Variants in DENND3 observed in about 807,000 individuals in gnomAD.
The protein encoded by DENND3 is DENN domain-containing protein 3.
In DENND3, 88 loss-of-function variants were observed where a neutral mutation model predicts 135.1. The observed-to-expected ratio is 0.65, with a 90% CI of 0.55 to 0.78. The LOEUF is 0.78. Ranked by LOEUF, DENND3 falls within the 30% of genes least tolerant of loss-of-function variation. DENND3 has a pLI of 0.00. For missense variants in DENND3, 1,392 were observed against 1,688.4 expected, an observed-to-expected ratio of 0.82 and a Z score of 3.08; for synonymous variants, 693 against 712.3, an observed-to-expected ratio of 0.97 and a Z score of 0.43.
rs1285391388 is a variant in DENND3 at position 141,181,120 on chromosome 8, G to A, written c.2944+266G>A. Among the ~76,000 whole-genome samples the A allele has an allele frequency of 4.6e-5, 7 of 152,218 alleles. No homozygotes were observed. The East Asian group carries it at 1.3e-3, about 29-fold the overall frequency. ...GCCAGCACTTGAGCTCCCGCCCCAG[G>A]GCTGCCGTCCCTCACCTTCTAGAGC... On this transcript the variant is annotated intron_variant, in intron 17 of 22. Transcript: ENST00000519811.
intron 8 of DENND3, among the ~76,000 whole-genome samples, chr8:141,159,067 C>A (rs1819804450): frequency 6.6e-6 from 1 of 152,202 alleles, no homozygotes; most frequent in South Asian, 2.1e-4. Context: ...TTCTTGAGAC[C>A]CATCTAGGCA....
intron 4 of DENND3, among the ~76,000 whole-genome samples, chr8:141,143,688 G>A (rs774495715): frequency 9.9e-5 from 15 of 152,156 alleles, no homozygotes; most frequent in Non-Finnish European, 1.9e-4. Context: ...ATACCAGTGT[G>A]AGCCACCGCA....
chr8:141,189,231 G>A, intron 19 of DENND3, 85 bp downstream of exon 19: 1 of 1,570,406 alleles, frequency 6.4e-7, no homozygotes, highest in Non-Finnish European at 8.7e-7. Context: ...CAAGTCTTGT[G>A]CCCACAGGGG....
rs1450023571 is a variant in DENND3 at position 141,167,844 on chromosome 8, CA to C, written c.1754-159del. 6.6e-6 allele frequency among the ~76,000 whole-genome samples: 1 copy of C among 152,154 alleles called. No individual in the cohort carries two copies. Among genetic ancestry groups the C allele is most frequent in the African/African-American group, 2.4e-5 (1 of 41,452 alleles). On this transcript the variant is annotated intron_variant, in intron 12 of 22. Coordinates refer to ENST00000519811, the MANE Select transcript of DENND3 (RefSeq NM_001352890.3). This position sits in a 1 kb window ranked among gnomAD's most constrained non-coding sequence, Gnocchi z 4.1. ...AAAGTGAGGGTTCTCTCATGCCTCC[CA>C]GGGGGGTGGGTGTGTGGAGCTTTCT...
At position 141,183,419 on chromosome 8, in the gene DENND3, ATTT is replaced by A. The variant is rs1224506549; in HGVS notation, c.2945-1704_2945-1702del. ...ACCACTATGCCCAGCCAATTTTTGT[ATTT>A]TTTTTTTTTTTTTTTGTAGAGATGG... On this transcript the variant is annotated intron_variant, in intron 17 of 22. Coordinates refer to ENST00000519811, the MANE Select transcript of DENND3 (RefSeq NM_001352890.3). Among the ~76,000 whole-genome samples, 797 of 121,632 alleles carry A rather than the reference ATTT, an allele frequency of 6.6e-3. 4 individuals carry two copies. Among genetic ancestry groups the A allele is most frequent in the African/African-American group, 0.021 (737 of 34,654 alleles). The allele number at this position is 121,632 out of a possible 152,430, so 79.8% of individuals were successfully genotyped here. A position where few individuals can be genotyped will look rare whatever the true frequency, so the allele number is the denominator to read the frequency against.
intron 5 of DENND3, among the ~76,000 whole-genome samples, chr8:141,149,811 T>G (rs1276832222): frequency 6.6e-6 from 1 of 152,238 alleles, no homozygotes; most frequent in Non-Finnish European, 1.5e-5. Flanking sequence ...ACGATGTTAT[T>G]CAAGGACCTG....
chr8:141,175,369 T>G lies in DENND3; in HGVS notation c.2445T>G (p.Val815=). 6.2e-7 allele frequency: 1 copy of G among 1,614,224 alleles called. No individual in the cohort carries two copies. Residue 815 remains valine (V), a synonymous_variant, in exon 14 of 23, where the codon GTT becomes GTG. Transcript: ENST00000519811. The surrounding 1 kb of genome is among the most constrained non-coding windows in gnomAD (Gnocchi z 5.4). ...LSSSVKTNLG[V]GKIAMTQKRL... is the part of the protein sequence containing the mutation. ...GCTCCGTCAAGACAAACCTAGGCGTTGGCAAGATCGCCATGACCCAGAAGC... is the reference window on the plus strand; with the variant it reads ...GCTCCGTCAAGACAAACCTAGGCGTGGGCAAGATCGCCATGACCCAGAAGC...
At chr8:141,140,517 T>C (rs1589550140) in intron 3 of DENND3, among the ~76,000 whole-genome samples, 1 of 152,112 alleles carries the variant, frequency 6.6e-6, no homozygotes, top group Non-Finnish European at 1.5e-5. Flanking sequence ...GCAGGCAGGG[T>C]TGGAACTTGA....
rs547628819 is a variant in DENND3 at position 141,174,857 on chromosome 8, C to T, written c.2276-343C>T. Reference sequence around the variant, plus strand: ...TCTAGTGATGAGGAAGGTCTTTGCCCCCATTAGAAGAGTGTCCTTGTCCGG... The same window carrying T: ...TCTAGTGATGAGGAAGGTCTTTGCCTCCATTAGAAGAGTGTCCTTGTCCGG... On this transcript the variant is annotated intron_variant, in intron 13 of 22. Transcript: ENST00000519811. The surrounding 1 kb of genome is among the most constrained non-coding windows in gnomAD (Gnocchi z 4.6). Among the ~76,000 whole-genome samples, 1 of 152,284 alleles carries T rather than the reference C, an allele frequency of 6.6e-6. No homozygotes were observed. Among genetic ancestry groups the T allele is most frequent in the South Asian group, 2.1e-4 (1 of 4,822 alleles).
In DENND3 at chr8:141,189,002, C is replaced by G; in HGVS notation, c.3101C>G (p.Ala1034Gly). Residue 1034 changes from alanine to glycine, a missense_variant, in exon 19 of 23, where the codon GCC becomes GGC. Physicochemically the swap from Ala to Gly is moderately conservative, Grantham distance 60 (BLOSUM62 0). Transcript: ENST00000519811. The part of the protein sequence containing the change: ...GTAKVNCMVM[A>G]DQNQVWVGSE... ...TCCTGTTAGAACTGCATGGTGATGG[C>G]CGACCAGAACCAGGTGTGGGTTGGC... 2.5e-6 allele frequency: 4 copies of G among 1,613,764 alleles called. No individual in the cohort carries two copies. Among genetic ancestry groups the G allele is most frequent in the Non-Finnish European group, 2.5e-6 (3 of 1,179,870 alleles).
intron 20 of DENND3, 81 bp downstream of exon 20, chr8:141,190,498 TCTTTC>T: frequency 1.4e-6 from 2 of 1,466,776 alleles, no homozygotes; most frequent in Non-Finnish European, 9.0e-7. Context: ...GCAGAAAGCC[TCTTTC>T]CTTTGCTTCA....
chr8:141,192,301 TG>T, intron 20 of DENND3, 29 bp from the exon 21 acceptor site: 1 of 1,612,396 alleles, frequency 6.2e-7, no homozygotes, highest in East Asian at 2.2e-5. Context: ...TGACACTGCC[TG>T]GCCCCATCCT....
rs368820006 is a variant in DENND3 at position 141,137,275 on chromosome 8, C to T, written c.385+484C>T. 2.6e-4 allele frequency among the ~76,000 whole-genome samples: 40 copies of T among 152,252 alleles called. No homozygotes were observed. In the East Asian group the frequency reaches 6.0e-3, roughly 23 times the overall value. On this transcript the variant is annotated intron_variant, in intron 2 of 22. Transcript: ENST00000519811. This position sits in a 1 kb window ranked among gnomAD's most constrained non-coding sequence, Gnocchi z 4.1. The stretch of plus-strand genomic sequence containing the variant: ...GATTACAGGCGTGAGCCACCGTGCT[C>T]GACCTACCTTGGGGATTTTAAAGCT...
chr8:141,169,224 G>A (rs1821187614), intron 13 of DENND3, among the ~76,000 whole-genome samples: 1 of 152,256 alleles, frequency 6.6e-6, no homozygotes, highest in Non-Finnish European at 1.5e-5. Flanking sequence ...GCCGCCAGCA[G>A]GTGGCAGGCA....
chr8:141,163,018 C>A (rs576219883), intron 9 of DENND3, among the ~76,000 whole-genome samples: 3 of 152,290 alleles, frequency 2.0e-5, no homozygotes, highest in Admixed American at 1.3e-4. Flanking sequence ...CTCTGGGCTC[C>A]CCACCCTGAA....
rs1300512270 is a variant in DENND3, at chr8:141,175,226, A to G, written c.2302A>G (p.Thr768Ala). ...ACAGGAGAAACAAATCGACCCAGAA[A>G]CATTCAAAGATTTCTACAACTGCTG... ...VGQEKQIDPETFKDFYNCWKE... is the reference protein window; with the variant it reads ...VGQEKQIDPEAFKDFYNCWKE... Residue 768 changes from threonine to alanine, a missense_variant, in exon 14 of 23, where the codon ACA (threonine) becomes GCA (alanine). Transcript: ENST00000519811. This position sits in a 1 kb window ranked among gnomAD's most constrained non-coding sequence, Gnocchi z 5.4. 2 of 1,614,076 alleles carry G rather than the reference A, an allele frequency of 1.2e-6. No individual in the cohort carries two copies. Among genetic ancestry groups the G allele is most frequent in the Admixed American group, 3.3e-5 (2 of 60,002 alleles).
intron 10 of DENND3, among the ~76,000 whole-genome samples, chr8:141,164,455 T>G (rs960193051): frequency 6.6e-6 from 1 of 152,214 alleles, no homozygotes; most frequent in African/African-American, 2.4e-5. Context: ...GGTTGGTTTA[T>G]AGCCTAACCC....
At chr8:141,176,521 CCT>C (rs1822395150) in intron 14 of DENND3, 68 bp from the exon 15 acceptor site, 3 of 1,580,900 alleles carry the variant, frequency 1.9e-6, no homozygotes, top group Non-Finnish European at 1.7e-6. Flanking sequence ...GCCCGCTCTG[CCT>C]CTGTCTCTGG....
In DENND3 at chr8:141,154,625, C is replaced by T. The variant is rs1354413454; in HGVS notation, c.1075-1224C>T. Among the ~76,000 whole-genome samples, 1 of 151,444 alleles carries T rather than the reference C, an allele frequency of 6.6e-6. No individual in the cohort carries two copies. Among genetic ancestry groups the T allele is most frequent in the Non-Finnish European group, 1.5e-5 (1 of 67,916 alleles). ...TTGCCCAGGCTGGAGTGCAATGGCACGATCTCAGCTCACTGCAACCTCCGC... is the reference window on the plus strand; with the variant it reads ...TTGCCCAGGCTGGAGTGCAATGGCATGATCTCAGCTCACTGCAACCTCCGC... On this transcript the variant is annotated intron_variant, in intron 7 of 22. Coordinates refer to ENST00000519811, the MANE Select transcript of DENND3 (RefSeq NM_001352890.3). This position sits in a 1 kb window ranked among gnomAD's most constrained non-coding sequence, Gnocchi z 4.4.
Sources: gnomAD v4.1 joint callset for allele counts (sites outside exome capture counted in the v4.1 genomes callset) on GRCh38, gnomAD v4.1.1 for gene constraint, Gnocchi (gnomAD v3.1) non-coding constraint, MANE v1.5 for transcripts, NCBI Gene and HGNC (gene_info 2026-07-23, HGNC 2026-07-21) for gene names.